ZNF75A: variants seen among roughly 807,000 people sequenced by gnomAD.
ZNF75A encodes the protein zinc finger protein 75A.
Under a neutral mutation model 46.3 loss-of-function variants are expected in ZNF75A, and 36 were observed. The ratio of observed to expected loss-of-function variants is 0.78; its 90% CI spans 0.60 to 1.03. The LOEUF (loss-of-function observed/expected upper bound fraction) is 1.03. Ranked by LOEUF, ZNF75A falls within the 50% of genes least tolerant of loss-of-function variation. ZNF75A has a pLI of 0.00. For synonymous variants in ZNF75A, 234 were observed against 189.9 expected, an observed-to-expected ratio of 1.23 and a Z score of -1.91; for missense variants, 595 against 551.3, an observed-to-expected ratio of 1.08 and a Z score of -0.79.
At chr16:3,321,351 G>A (rs2029930877), downstream of ZNF75A, among the ~76,000 whole-genome samples, 1 of 152,210 alleles carries the variant, frequency 6.6e-6, no homozygotes, top group Non-Finnish European at 1.5e-5. Flanking sequence ...GGTTATTTCA[G>A]AGAACTGTAT....
chr16:3,309,422 C>G (rs1960543922), intron 2 of ZNF75A: 1 of 144,846 alleles, frequency 6.9e-6, no homozygotes, highest in Non-Finnish European at 1.5e-5. Context: ...TGCACTCCAG[C>G]CTGGGCAACA....
rs1961302556 is a variant in ZNF75A at position 3,317,431 on chromosome 16, C to G, written c.1176C>G (p.His392Gln). The change falls in exon 7 of 7, where the codon CAC becomes CAG. Residue 392 changes from histidine to glutamine, a missense_variant. His to Gln is a conservative substitution (Grantham distance 24). Coordinates refer to ENST00000669516, the MANE Select transcript of ZNF75A (RefSeq NM_001302109.2). ...AGCTGCTCAAACTTATGGATCGTCACAAGAAAGATTGTGCAAGAGAGAAGC... is the reference window on the plus strand; with the variant it reads ...AGCTGCTCAAACTTATGGATCGTCAGAAGAAAGATTGTGCAAGAGAGAAGC... ...KQELLKLMDRHKKDCAREKPF... is the reference protein window; with the variant it reads ...KQELLKLMDRQKKDCAREKPF... 13 of 1,614,112 alleles carry G rather than the reference C, an allele frequency of 8.1e-6. No individual in the cohort carries two copies. The highest frequency in any genetic ancestry group is 1.1e-5 in the Non-Finnish European group (13 of 1,180,026).
In ZNF75A at chr16:3,308,666, G is replaced by C; in HGVS notation, c.238G>C (p.Glu80Gln). ...QELCHLWLKP[E>Q]IHSKEQILEL... Reference sequence around the variant, plus strand: ...ATTATGTCATCTATGGCTGAAGCCAGAGATCCACTCAAAAGAGCAGATACT... The same window carrying C: ...ATTATGTCATCTATGGCTGAAGCCACAGATCCACTCAAAAGAGCAGATACT... Residue 80 changes from glutamate to glutamine, a missense_variant, in exon 2 of 7, where the codon GAG (glutamate) becomes CAG (glutamine). Physicochemically the swap from Glu to Gln is conservative, Grantham distance 29. Transcript: ENST00000669516. The C allele has an allele frequency of 2.0e-6, 2 of 989,478 alleles. No individual in the cohort carries two copies. Among genetic ancestry groups the C allele is most frequent in the Middle Eastern group, 5.2e-4 (1 of 1,922 alleles). 61.3% of individuals were successfully genotyped at this position (989,478 alleles called of 1,614,324 possible).
chr16:3,321,355 A>T (rs1479792230), downstream of ZNF75A, among the ~76,000 whole-genome samples: 1 of 152,086 alleles, frequency 6.6e-6, no homozygotes, highest in Admixed American at 6.5e-5. Context: ...ATTTCAGAGA[A>T]CTGTATCATT....
intron 2 of ZNF75A, among the ~76,000 whole-genome samples, chr16:3,311,135 A>G (rs964648760): frequency 5.9e-5 from 9 of 152,128 alleles, no homozygotes; most frequent in Non-Finnish European, 1.0e-4. Context: ...ACAAGACAGT[A>G]TTAGAATGAG....
Position 3,313,126 on chromosome 16 carries a change from C to T in ZNF75A, c.774C>T (p.Ala258=), listed in dbSNP as rs1239488226. ...AGTTATTGGATCCCACTCAGAAGGC[C>T]CTCTACAATGATGTAATGCAGGAAA... ...EWELLDPTQK[A]LYNDVMQENY... Residue 258 remains alanine, a synonymous_variant, in exon 5 of 7, where the codon GCC becomes GCT. Transcript: ENST00000669516. 3.1e-6 allele frequency: 5 copies of T among 1,613,826 alleles called. No individual in the cohort carries two copies. In the African/African-American group the frequency reaches 6.7e-5, roughly 22 times the overall value.
At chr16:3,307,890 G>A (rs1271894455) in intron 1 of ZNF75A, 1 of 152,080 alleles carries the variant, frequency 6.6e-6, no homozygotes, top group East Asian at 1.9e-4. Context: ...CATAAAAGTT[G>A]TACTCCCCTT....
chr16:3,319,165 G>T (rs1021550075), downstream of ZNF75A, among the ~76,000 whole-genome samples: 1 of 152,036 alleles, frequency 6.6e-6, no homozygotes, highest in Non-Finnish European at 1.5e-5. Context: ...TCAGGCTGGA[G>T]TGCAATGGTG....
chr16:3,312,819 A>T (rs1388147247), intron 4 of ZNF75A, 51 bp downstream of exon 4: 1 of 1,186,612 alleles, frequency 8.4e-7, no homozygotes, highest in East Asian at 3.5e-5. Context: ...GCTATGTATG[A>T]TTAATACTGT....
downstream of ZNF75A, among the ~76,000 whole-genome samples, chr16:3,319,932 A>G (rs948249419): frequency 6.6e-6 from 1 of 152,198 alleles, no homozygotes; most frequent in Non-Finnish European, 1.5e-5. Context: ...GAGGGCGGCT[A>G]TTCCCAAGAG....
In ZNF75A at chr16:3,308,653, A is replaced by G. The variant is rs1960469558; in HGVS notation, c.225A>G (p.Leu75=). Residue 75 remains leucine (L), a synonymous_variant, in exon 2 of 7, where the codon CTA becomes CTG. Transcript: ENST00000669516. ...GCAAACTTCAAGAATTATGTCATCT[A>G]TGGCTGAAGCCAGAGATCCACTCAA... ...AVSKLQELCH[L]WLKPEIHSKE... 7 of 987,946 alleles carry G rather than the reference A, an allele frequency of 7.1e-6. No homozygotes were observed. Among genetic ancestry groups the G allele is most frequent in the Non-Finnish European group, 8.4e-6 (7 of 830,580 alleles). 61.2% of individuals were successfully genotyped at this position (987,946 alleles called of 1,614,324 possible).
rs755967254 is a variant in ZNF75A at position 3,308,468 on chromosome 16, C to G, written c.40C>G (p.Pro14Ala). The G allele has an allele frequency of 2.0e-6, 2 of 985,752 alleles. No homozygotes were observed. The highest frequency in any genetic ancestry group is 2.4e-6 in the Non-Finnish European group (2 of 829,938). 61.1% of individuals were successfully genotyped at this position (985,752 alleles called of 1,614,324 possible). Residue 14 changes from proline to alanine, a missense_variant, in exon 2 of 7, where the codon CCT becomes GCT. By Grantham distance (27) the Pro-to-Ala change is conservative. Coordinates refer to ENST00000669516, the MANE Select transcript of ZNF75A (RefSeq NM_001302109.2). ...TCTGAAAGTGGCTGCGTACTTGGACCCTCAGATCAGGGCTTTGTGGGAGAC... is the reference window on the plus strand; with the variant it reads ...TCTGAAAGTGGCTGCGTACTTGGACGCTCAGATCAGGGCTTTGTGGGAGAC... The part of the protein sequence containing the change: ...VDLKVAAYLD[P>A]QIRALWETKG...
chr16:3,310,787 G>C, intron 2 of ZNF75A: 1 of 985,456 alleles, frequency 1.0e-6, no homozygotes, highest in Non-Finnish European at 1.2e-6. Flanking sequence ...TATAGTAGAT[G>C]AAAGTCTCTA....
chr16:3,314,638 A>G (rs1732139179), intron 5 of ZNF75A: 1 of 984,406 alleles, frequency 1.0e-6, no homozygotes, highest in Non-Finnish European at 1.2e-6. Flanking sequence ...TTTTTCTTAA[A>G]TCGTATTCTG....
chr16:3,311,384 G>C (rs1426077767), intron 2 of ZNF75A, among the ~76,000 whole-genome samples: 2 of 151,208 alleles, frequency 1.3e-5, no homozygotes, highest in Non-Finnish European at 2.9e-5. Context: ...GTAGCAGTGA[G>C]CCGAGATTAT....
chr16:3,315,440 C>A (rs746679585), intron 5 of ZNF75A, among the ~76,000 whole-genome samples: 1 of 152,132 alleles, frequency 6.6e-6, no homozygotes, highest in African/African-American at 2.4e-5. Context: ...TGTGATCCAC[C>A]TGCCTTGGCC....
chr16:3,310,935 AATC>A (rs1171429260), intron 2 of ZNF75A: 37 of 985,310 alleles, frequency 3.8e-5, no homozygotes, highest in Non-Finnish European at 4.0e-5. Context: ...TTGGTGTCAG[AATC>A]ATCTGGAGGT....
chr16:3,307,015 A>ACG (rs1366812235), intron 1 of ZNF75A: 1 of 150,968 alleles, frequency 6.6e-6, no homozygotes, highest in Non-Finnish European at 1.5e-5. Context: ...GCCGTGGCAC[A>ACG]GTCTGAGCTC....
rs777994343 is a variant in ZNF75A at position 3,317,515 on chromosome 16, C to G, written c.1260C>G (p.His420Gln). 6.2e-7 allele frequency: 1 copy of G among 1,613,848 alleles called. No homozygotes were observed. Among genetic ancestry groups the G allele is most frequent in the Non-Finnish European group, 8.5e-7 (1 of 1,179,954 alleles). Residue 420 changes from histidine (H) to glutamine (Q), a missense_variant, in exon 7 of 7, where the codon CAC becomes CAG. By Grantham distance (24) the His-to-Gln change is conservative. Coordinates refer to ENST00000669516, the MANE Select transcript of ZNF75A (RefSeq NM_001302109.2). ...GAGTTAGCTCTGACCTTATTAAGCA[C>G]CAAAGAATTCACACTGAAGAGAAAC... The part of the protein sequence containing the change: ...TFRVSSDLIK[H>Q]QRIHTEEKPY...
Sources: allele counts gnomAD v4.1 joint callset (sites outside exome capture counted in the v4.1 genomes callset), GRCh38; gene constraint gnomAD v4.1.1; transcripts MANE v1.5; gene names NCBI Gene and HGNC (gene_info 2026-07-23, HGNC 2026-07-21).